Variants in VPS35L observed in about 807,000 individuals in gnomAD.
VPS35L encodes the protein VPS35 endosomal protein-sorting factor-like.
In VPS35L, 83 loss-of-function variants were observed where a neutral mutation model predicts 133.0. That is an observed-to-expected ratio of 0.62 (90% CI 0.52 to 0.75). The LOEUF (loss-of-function observed/expected upper bound fraction) is 0.75. VPS35L is among the 30% of genes least tolerant of loss of function. The pLI is 0.00. For synonymous variants in VPS35L, 423 were observed against 449.9 expected (o/e 0.94, Z 0.76); for missense variants, 1,083 against 1,206.8 (o/e 0.90, Z 1.52).
intron 14 of VPS35L, among the ~76,000 whole-genome samples, chr16:19,624,888 G>A (rs927816739): frequency 5.9e-5 from 9 of 152,296 alleles, no homozygotes; most frequent in Admixed American, 4.6e-4. Context: ...GGAAGTCAAG[G>A]ACTTAGCCCG....
At chr16:19,581,433 CA>C (rs2151517801) in intron 6 of VPS35L, 91 bp from the exon 7 acceptor site, 1 of 1,345,584 alleles carries the variant, frequency 7.4e-7, no homozygotes, top group Admixed American at 2.8e-5. Context: ...ATTTAGAGAC[CA>C]AAACTCAGCC....
chr16:19,657,344 CT>C, intron 26 of VPS35L, among the ~76,000 whole-genome samples: 1 of 152,196 alleles, frequency 6.6e-6, no homozygotes, highest in South Asian at 2.1e-4. Flanking sequence ...TTAGAACTTA[CT>C]TTCTTTTATT....
At chr16:19,682,704 A>T (rs961757008) in intron 28 of VPS35L, among the ~76,000 whole-genome samples, 1 of 152,186 alleles carries the variant, frequency 6.6e-6, no homozygotes, top group Non-Finnish European at 1.5e-5. Flanking sequence ...TCTACTAAAA[A>T]AACAAAAATT....
intron 29 of VPS35L, among the ~76,000 whole-genome samples, chr16:19,695,074 G>A (rs1403162857): frequency 1.3e-5 from 2 of 151,644 alleles, no homozygotes; most frequent in Non-Finnish European, 2.9e-5. Context: ...CCAAAGTGCT[G>A]CGGATTCTGG....
intron 22 of VPS35L, among the ~76,000 whole-genome samples, chr16:19,643,362 T>C (rs1016910217): frequency 1.3e-5 from 2 of 152,184 alleles, no homozygotes; most frequent in Non-Finnish European, 2.9e-5. Context: ...AAATTGTGCA[T>C]AGTAGACAGA....
intron 1 of VPS35L, among the ~76,000 whole-genome samples, chr16:19,559,871 T>C (rs1474193142): frequency 6.6e-6 from 1 of 152,078 alleles, no homozygotes; most frequent in African/African-American, 2.4e-5. Flanking sequence ...GTGTTTCTAG[T>C]AGAAACGGGT....
intron 2 of VPS35L, among the ~76,000 whole-genome samples, chr16:19,568,918 TACAGGCATGAGCC>T: frequency 6.6e-6 from 1 of 152,234 alleles, no homozygotes; most frequent in East Asian, 1.9e-4. Context: ...AGTGTTGGGA[TACAGGCATGAGCC>T]ACTGCACCCA....
At chr16:19,570,510 G>A (rs1038483320) in intron 3 of VPS35L, among the ~76,000 whole-genome samples, 2 of 151,968 alleles carry the variant, frequency 1.3e-5, no homozygotes, top group African/African-American at 2.4e-5. Context: ...CCACCCTGGC[G>A]GTTGTGAGAA....
intron 8 of VPS35L, 44 bp downstream of exon 8, chr16:19,591,918 G>A (rs369954917): frequency 1.4e-5 from 20 of 1,446,648 alleles, no homozygotes; most frequent in East Asian, 2.3e-5. Flanking sequence ...AAATGTGTTC[G>A]TTTTGTCAAG....
At chr16:19,632,071 C>T (rs1973473901) in intron 18 of VPS35L, among the ~76,000 whole-genome samples, 1 of 152,176 alleles carries the variant, frequency 6.6e-6, no homozygotes, top group African/African-American at 2.4e-5. Context: ...AAGTGATTCT[C>T]CTGCCTCAGC....
intron 6 of VPS35L, chr16:19,579,731 A>T (rs1429099852): frequency 2.0e-5 from 2 of 98,566 alleles, no homozygotes; most frequent in African/African-American, 1.9e-4. Flanking sequence ...CTCCCTGAGA[A>T]GCAGCCTTAT....
chr16:19,585,406 CT>C (rs201727936), intron 7 of VPS35L, among the ~76,000 whole-genome samples: 154 of 138,070 alleles, frequency 1.1e-3, no homozygotes, highest in Middle Eastern at 0.011. Context: ...TTTCTTTTTT[CT>C]TTTTTTTTTT....
intron 14 of VPS35L, among the ~76,000 whole-genome samples, chr16:19,624,023 T>C (rs116873254): frequency 0.055 from 8,320 of 150,164 alleles, 434 homozygotes; most frequent in East Asian, 0.22. Context: ...AGACTGGTCT[T>C]GAACTCCTAA....
chr16:19,589,114 A>G (rs1567404213), intron 7 of VPS35L, among the ~76,000 whole-genome samples: 1 of 151,556 alleles, frequency 6.6e-6, no homozygotes, highest in Non-Finnish European at 1.5e-5. Context: ...CCATTTTTCC[A>G]TTTTGTTATC....
chr16:19,671,849 C>G (rs754394400), intron 27 of VPS35L, among the ~76,000 whole-genome samples: 7 of 152,200 alleles, frequency 4.6e-5, no homozygotes, highest in Non-Finnish European at 8.8e-5. Flanking sequence ...TGGCACAGAA[C>G]AGATTAAGCA....
chr16:19,579,469 G>A (rs1443065793), intron 6 of VPS35L: 1 of 175,128 alleles, frequency 5.7e-6, no homozygotes, highest in African/African-American at 2.4e-5. Flanking sequence ...GCCAAGGCGG[G>A]AGGATCACCT....
intron 2 of VPS35L, among the ~76,000 whole-genome samples, chr16:19,565,252 C>T (rs962511483): frequency 6.6e-5 from 10 of 151,162 alleles, no homozygotes; most frequent in Admixed American, 4.0e-4. Flanking sequence ...GATGGGGTTT[C>T]GCCATGTTGC....
At chr16:19,691,841 A>T (rs952416895) in intron 29 of VPS35L, among the ~76,000 whole-genome samples, 1 of 150,282 alleles carries the variant, frequency 6.7e-6, no homozygotes, top group Admixed American at 6.6e-5. Context: ...CAGCTCCCTG[A>T]CTAGAATGTA....
intron 7 of VPS35L, among the ~76,000 whole-genome samples, chr16:19,590,717 G>C (rs1972017467): frequency 6.6e-6 from 1 of 152,178 alleles, no homozygotes; most frequent in African/African-American, 2.4e-5. Flanking sequence ...GGGAGGCTGA[G>C]GTGGGAGGAT....
Sources: gnomAD v4.1 joint callset for allele counts (sites outside exome capture counted in the v4.1 genomes callset) on GRCh38, gnomAD v4.1.1 for gene constraint, MANE v1.5 for transcripts, NCBI Gene and HGNC (gene_info 2026-07-23, HGNC 2026-07-21) for gene names.